DCAF5: variants seen among roughly 807,000 people sequenced by gnomAD.
DCAF5 encodes the protein DDB1- and CUL4-associated factor 5.
A neutral mutation model predicts 80.7 loss-of-function variants in DCAF5; 9 were observed. The ratio of observed to expected loss-of-function variants is 0.11; its 90% confidence interval spans 0.07 to 0.19. DCAF5 has a LOEUF of 0.19. DCAF5 is among the 10% of genes least tolerant of loss of function. DCAF5 has a pLI of 1.00. For synonymous variants in DCAF5, 433 were observed against 461.9 expected (o/e 0.94, Z 0.80); for missense variants, 842 against 1,205.7 (o/e 0.70, Z 4.47).
In DCAF5 at chr14:69,053,753, C is replaced by A; in HGVS notation, c.*104G>T. On this transcript the variant is annotated 3_prime_UTR_variant, in exon 9 of 9. Coordinates refer to ENST00000341516, the MANE Select transcript of DCAF5 (RefSeq NM_003861.3). Reference sequence around the variant, plus strand: ...GACACAAAATTTCAGGCCCTGGTTTCATGTGCCTTTAATACTTGTTTTTCC... The same window carrying A: ...GACACAAAATTTCAGGCCCTGGTTTAATGTGCCTTTAATACTTGTTTTTCC... The A allele has an allele frequency of 8.6e-7, 1 of 1,166,418 alleles. No individual in the cohort carries two copies. 72.3% of individuals were successfully genotyped at this position (1,166,418 alleles called of 1,614,324 possible). A position where few individuals can be genotyped will look rare whatever the true frequency, so the allele number is the denominator to read the frequency against.
At chr14:69,089,870 C>T (rs2039470524) in intron 6 of DCAF5, 1 of 916,458 alleles carries the variant, frequency 1.1e-6, no homozygotes, top group Non-Finnish European at 1.3e-6. Flanking sequence ...ATGCATAGGA[C>T]AGCTCCACAC....
chr14:69,090,073 A>T (rs764927473), intron 6 of DCAF5: 147 of 985,282 alleles, frequency 1.5e-4, no homozygotes, highest in Non-Finnish European at 1.7e-4. Context: ...AGCCTAGTAA[A>T]CTATTAATAT....
At chr14:69,141,974 T>G (rs1030257123) in intron 1 of DCAF5, among the ~76,000 whole-genome samples, 3 of 152,166 alleles carry the variant, frequency 2.0e-5, no homozygotes, top group African/African-American at 7.2e-5. Context: ...TTATCAACTC[T>G]GTATCCCGAG....
intron 1 of DCAF5, among the ~76,000 whole-genome samples, chr14:69,141,958 T>G (rs2041389793): frequency 6.6e-6 from 1 of 152,176 alleles, no homozygotes; most frequent in South Asian, 2.1e-4. Context: ...GGACTTGATC[T>G]ATGAATTATC....
At chr14:69,088,275 G>T (rs73277032) in intron 6 of DCAF5, among the ~76,000 whole-genome samples, 1,633 of 152,304 alleles carry the variant, frequency 0.011, 33 homozygotes, top group African/African-American at 0.037. Context: ...GCCCTGGTTT[G>T]CCTACAAACT....
intron 1 of DCAF5, among the ~76,000 whole-genome samples, chr14:69,151,454 A>C (rs985918450): frequency 4.0e-4 from 61 of 152,242 alleles, no homozygotes; most frequent in African/African-American, 1.3e-3. Flanking sequence ...CACGGACACA[A>C]ATTAGAAAGA....
In DCAF5 at chr14:69,053,643, T is replaced by A. The variant is rs1437356584; in HGVS notation, c.*214A>T. ...AGGAGTCACTTGGGTTATTTTTTTT[T>A]CCCCTTTCTTAACACAGCACAAGCC... On this transcript the variant is annotated 3_prime_UTR_variant, in exon 9 of 9. Transcript: ENST00000341516. 4 of 514,720 alleles carry A rather than the reference T, an allele frequency of 7.8e-6. No homozygotes were observed. The highest frequency in any genetic ancestry group is 1.0e-5 in the Non-Finnish European group (3 of 297,846). The allele number at this position is 514,720 out of a possible 1,614,324, so 31.9% of individuals were successfully genotyped here. A position where few individuals can be genotyped will look rare whatever the true frequency, so the allele number is the denominator to read the frequency against.
chr14:69,108,606 A>G (rs750013634), intron 5 of DCAF5, among the ~76,000 whole-genome samples: 10 of 152,202 alleles, frequency 6.6e-5, no homozygotes, highest in Non-Finnish European at 1.2e-4. Context: ...CAGGATGATT[A>G]TAAGACAGAC....
At chr14:69,105,562 G>A (rs1306078050) in intron 5 of DCAF5, among the ~76,000 whole-genome samples, 2 of 152,060 alleles carry the variant, frequency 1.3e-5, no homozygotes, top group Non-Finnish European at 2.9e-5. Context: ...CTTTAATGTG[G>A]GCAGGCATTG....
chr14:69,129,319 A>G (rs2140088596), intron 1 of DCAF5, among the ~76,000 whole-genome samples: 1 of 152,104 alleles, frequency 6.6e-6, no homozygotes, highest in African/African-American at 2.4e-5. Flanking sequence ...ACTCCACTCA[A>G]CCCCTCATTC....
chr14:69,144,328 T>G (rs1382547652), intron 1 of DCAF5, among the ~76,000 whole-genome samples: 1 of 151,772 alleles, frequency 6.6e-6, no homozygotes, highest in Non-Finnish European at 1.5e-5. Flanking sequence ...ATCACAGCAC[T>G]TTGGGAGGCC....
chr14:69,070,024 T>A (rs2139879138), intron 7 of DCAF5, among the ~76,000 whole-genome samples: 1 of 152,346 alleles, frequency 6.6e-6, no homozygotes, highest in South Asian at 2.1e-4. Flanking sequence ...GTATTATCCT[T>A]ATTTCACAGG....
chr14:69,062,343 T>A (rs1402615366), intron 8 of DCAF5, 41 bp downstream of exon 8: 8 of 1,603,858 alleles, frequency 5.0e-6, no homozygotes, highest in African/African-American at 1.3e-5. Context: ...TTATAAATTG[T>A]GAGAATTTCT....
intron 5 of DCAF5, among the ~76,000 whole-genome samples, chr14:69,102,591 G>GACAC (rs143602483): frequency 0.033 from 4,109 of 124,870 alleles, 207 homozygotes; most frequent in African/African-American, 0.11. Flanking sequence ...TAAAAACAAA[G>GACAC]ACACACACAC....
At chr14:69,135,202 T>C (rs2041154880) in intron 1 of DCAF5, among the ~76,000 whole-genome samples, 1 of 152,206 alleles carries the variant, frequency 6.6e-6, no homozygotes, top group Admixed American at 6.5e-5. Flanking sequence ...TGTTTGAAAC[T>C]GTACTGACAA....
chr14:69,130,173 G>A lies in DCAF5; in HGVS notation c.215-7813C>T, dbSNP rs183947690. 2.8e-3 allele frequency among the ~76,000 whole-genome samples: 431 copies of A among 152,242 alleles called. 4 individuals carry two copies. The highest frequency in any genetic ancestry group is 4.1e-3 in the Non-Finnish European group (278 of 68,018). On this transcript the variant is annotated intron_variant, in intron 1 of 8. Transcript: ENST00000341516. The stretch of plus-strand genomic sequence containing the variant: ...AAGCTGAGGTAAGGATTTGCTTTGG[G>A]TTTCCTCAAAAGCCAGCCAAGCACA...
At chr14:69,107,836 A>G (rs965873832) in intron 5 of DCAF5, among the ~76,000 whole-genome samples, 1 of 152,262 alleles carries the variant, frequency 6.6e-6, no homozygotes, top group Non-Finnish European at 1.5e-5. Context: ...TGGGATGAGT[A>G]TAACACTATA....
At chr14:69,109,631 A>T (rs935921680) in intron 5 of DCAF5, among the ~76,000 whole-genome samples, 5 of 152,182 alleles carry the variant, frequency 3.3e-5, no homozygotes, top group Non-Finnish European at 5.9e-5. Context: ...ATCCATGTCA[A>T]TGTGTATATT....
chr14:69,130,573 A>T (rs1280774103), intron 1 of DCAF5, among the ~76,000 whole-genome samples: 1 of 152,164 alleles, frequency 6.6e-6, no homozygotes, highest in Admixed American at 6.5e-5. Flanking sequence ...TAAAATGGTA[A>T]ATCTTATGTT....
Sources: allele counts gnomAD v4.1 joint callset (sites outside exome capture counted in the v4.1 genomes callset), GRCh38; gene constraint gnomAD v4.1.1; transcripts MANE v1.5; gene names NCBI Gene and HGNC (gene_info 2026-07-23, HGNC 2026-07-21).